Variants in GADL1 observed in about 807,000 individuals in gnomAD.
GADL1 encodes GAD like acidic amino acid decarboxylase 1, also known as acidic amino acid decarboxylase GADL1.
A neutral mutation model predicts 69.5 loss-of-function variants in GADL1; 71 were observed. That is an observed-to-expected ratio of 1.02 (90% confidence interval 0.84 to 1.25). GADL1 has a LOEUF of 1.25. Among genes scored for constraint, GADL1 ranks in the 50% most tolerant of loss-of-function variants. GADL1 has a pLI of 0.00. For synonymous variants in GADL1, 254 were observed against 214.4 expected (o/e 1.18, Z -1.62); for missense variants, 737 against 631.8 (o/e 1.17, Z -1.79).
At chr3:30,758,911 G>T (rs1237620247) in intron 14 of GADL1, among the ~76,000 whole-genome samples, 1 of 152,124 alleles carries the variant, frequency 6.6e-6, no homozygotes, top group African/African-American at 2.4e-5. Context: ...GTCAACATTT[G>T]ATCTCCTTCT....
chr3:30,768,167 A>G (rs1696329621), intron 14 of GADL1, among the ~76,000 whole-genome samples: 1 of 152,166 alleles, frequency 6.6e-6, no homozygotes, highest in Admixed American at 6.6e-5. Flanking sequence ...ATCAGGCTCA[A>G]AGCTGCATGA....
chr3:30,790,644 T>C (rs913587025), intron 12 of GADL1, among the ~76,000 whole-genome samples: 15 of 152,178 alleles, frequency 9.9e-5, no homozygotes, highest in African/African-American at 3.6e-4. Context: ...TATAAACCTT[T>C]TAAGTAATAC....
chr3:30,849,467 G>C (rs929874535), intron 6 of GADL1, among the ~76,000 whole-genome samples: 2 of 152,046 alleles, frequency 1.3e-5, no homozygotes, highest in African/African-American at 4.8e-5. Context: ...AAGCCTATGC[G>C]CTTATCTACT....
intron 1 of GADL1, among the ~76,000 whole-genome samples, chr3:30,872,770 C>T (rs530400196): frequency 6.6e-6 from 1 of 151,990 alleles, no homozygotes; most frequent in Non-Finnish European, 1.5e-5. Flanking sequence ...AATAAACTCC[C>T]CCTTTTGGTG....
intron 1 of GADL1, among the ~76,000 whole-genome samples, chr3:30,863,154 G>C (rs1698347055): frequency 1.3e-5 from 2 of 151,758 alleles, no homozygotes; most frequent in African/African-American, 4.8e-5. Context: ...AAGCAGCAGC[G>C]ATATAAACTT....
intron 14 of GADL1, among the ~76,000 whole-genome samples, chr3:30,776,584 G>A (rs547645910): frequency 6.6e-6 from 1 of 152,316 alleles, no homozygotes; most frequent in African/African-American, 2.4e-5. Flanking sequence ...TTTGATAAGA[G>A]GTGTATTCTG....
In GADL1 at chr3:30,805,073, C is replaced by T. The variant is rs549633850; in HGVS notation, c.1051-3985G>A. On this transcript the variant is annotated intron_variant, in intron 11 of 14. Transcript: ENST00000282538. ...CCTCTTTGCAATCACAACACCTAAC[C>T]TAGCGCACATAATAATGACCAGAGC... Among the ~76,000 whole-genome samples, 4 of 152,334 alleles carry T rather than the reference C, an allele frequency of 2.6e-5. No individual in the cohort carries two copies. The South Asian group carries it at 8.3e-4, about 32-fold the overall frequency.
chr3:30,782,629 A>T (rs952335723), intron 13 of GADL1, among the ~76,000 whole-genome samples: 1 of 152,180 alleles, frequency 6.6e-6, no homozygotes, highest in Non-Finnish European at 1.5e-5. Flanking sequence ...GAAGACATAC[A>T]AAGAGGCTAT....
At chr3:30,734,673 T>A (rs1201707900) in intron 14 of GADL1, among the ~76,000 whole-genome samples, 1 of 152,138 alleles carries the variant, frequency 6.6e-6, no homozygotes, top group African/African-American at 2.4e-5. Flanking sequence ...AAACGGATAG[T>A]TTCACCAAAT....
At chr3:30,752,816 G>A (rs1411114883) in intron 14 of GADL1, among the ~76,000 whole-genome samples, 2 of 105,226 alleles carry the variant, frequency 1.9e-5, no homozygotes, top group African/African-American at 1.4e-4. Flanking sequence ...GCTGCTGGAA[G>A]ACAAGAGTTT....
At chr3:30,734,905 A>G (rs1695518988) in intron 14 of GADL1, among the ~76,000 whole-genome samples, 1 of 152,186 alleles carries the variant, frequency 6.6e-6, no homozygotes, top group Non-Finnish European at 1.5e-5. Context: ...TACTTGACAG[A>G]CAAGTACTTT....
chr3:30,758,031 T>C (rs981150210), intron 14 of GADL1, among the ~76,000 whole-genome samples: 1 of 152,176 alleles, frequency 6.6e-6, no homozygotes, highest in African/African-American at 2.4e-5. Context: ...TTAAACTAAT[T>C]TTATAGACGA....
intron 1 of GADL1, among the ~76,000 whole-genome samples, chr3:30,891,840 A>G (rs1174415262): frequency 6.6e-6 from 1 of 151,802 alleles, no homozygotes; most frequent in African/African-American, 2.4e-5. Context: ...ACAGAGAAAA[A>G]GAGAAAATCT....
At chr3:30,753,834 A>C (rs989544004) in intron 14 of GADL1, among the ~76,000 whole-genome samples, 15 of 152,222 alleles carry the variant, frequency 9.9e-5, no homozygotes, top group Admixed American at 4.6e-4. Context: ...GCTTCCTTGT[A>C]CACTTAAATC....
Position 30,861,690 on chromosome 3 carries a change from G to A in GADL1, c.113C>T (p.Pro38Leu). The A allele has an allele frequency of 6.5e-7, 1 of 1,549,654 alleles. No homozygotes were observed. The highest frequency in any genetic ancestry group is 8.7e-7 in the Non-Finnish European group (1 of 1,145,302). ...TTCTCCAGCTTTTGCATCTGTTGTAGGACCATTCAGCACAACCCCATCCAC... is the reference window on the plus strand; with the variant it reads ...TTCTCCAGCTTTTGCATCTGTTGTAAGACCATTCAGCACAACCCCATCCAC... ...VLVDGVVLNG[P>L]TTDAKAGEKF... Residue 38 changes from proline (P) to leucine (L), a missense_variant, in exon 2 of 15, where the codon CCT becomes CTT. Coordinates refer to ENST00000282538, the MANE Select transcript of GADL1 (RefSeq NM_207359.3).
chr3:30,747,042 A>G (rs795456), intron 14 of GADL1, among the ~76,000 whole-genome samples: 47,978 of 152,050 alleles, frequency 0.32, 8,722 homozygotes, highest in Admixed American at 0.43. Flanking sequence ...TAGCAGACAT[A>G]TAGGGATGTC....
intron 2 of GADL1, among the ~76,000 whole-genome samples, chr3:30,857,742 A>G (rs2125535345): frequency 6.6e-6 from 1 of 152,036 alleles, no homozygotes; most frequent in South Asian, 2.1e-4. Flanking sequence ...CAAAGATATA[A>G]AATGATCCTT....
chr3:30,756,576 T>TA (rs1378870562), intron 14 of GADL1, among the ~76,000 whole-genome samples: 2 of 152,178 alleles, frequency 1.3e-5, no homozygotes, highest in Non-Finnish European at 2.9e-5. Context: ...ACAGCAGAAG[T>TA]AATCGTGTGC....
At chr3:30,844,662 G>T (rs1494739) in intron 6 of GADL1, among the ~76,000 whole-genome samples, 196 bp from the exon 7 acceptor site, 64,222 of 151,986 alleles carry the variant, frequency 0.42, 14,397 homozygotes, top group East Asian at 0.63. Context: ...AACCAGGATT[G>T]AACGTCAAGT....
Sources: allele counts gnomAD v4.1 joint callset (sites outside exome capture counted in the v4.1 genomes callset), GRCh38; gene constraint gnomAD v4.1.1; transcripts MANE v1.5; gene names NCBI Gene and HGNC (gene_info 2026-07-23, HGNC 2026-07-21).